Variants in COL19A1 observed in about 807,000 individuals in gnomAD.
COL19A1 encodes the protein collagen type XIX alpha 1 chain.
A neutral mutation model predicts 190.2 loss-of-function variants in COL19A1; 159 were observed. The observed-to-expected ratio is 0.84, with a 90% CI of 0.73 to 0.95. COL19A1 has a LOEUF of 0.95. Ranked by LOEUF, COL19A1 falls within the 40% of genes least tolerant of loss-of-function variation. The pLI is 0.00. For synonymous variants in COL19A1, 509 were observed against 458.9 expected (o/e 1.11, Z -1.39); for missense variants, 1,418 against 1,431.9 (o/e 0.99, Z 0.16).
intron 14 of COL19A1, among the ~76,000 whole-genome samples, chr6:70,054,823 A>G (rs1780401384): frequency 6.6e-6 from 1 of 152,204 alleles, no homozygotes; most frequent in Admixed American, 6.5e-5. Flanking sequence ...ACTAAACCAC[A>G]AAAGTCCTAA....
At position 70,156,708 on chromosome 6, in the gene COL19A1, G is replaced by C. The variant is rs1236817965; in HGVS notation, c.2277G>C (p.Gly759=). The C allele has an allele frequency of 1.2e-6, 2 of 1,611,062 alleles. No individual in the cohort carries two copies. Among genetic ancestry groups the C allele is most frequent in the African/African-American group, 2.7e-5 (2 of 74,774 alleles). Residue 759 remains glycine, a synonymous_variant, in exon 34 of 51, where the codon GGG becomes GGC. Coordinates refer to ENST00000620364, the MANE Select transcript of COL19A1 (RefSeq NM_001858.6). The stretch of plus-strand genomic sequence containing the variant: ...AGCGGGGCTACCCTGGGATACCTGG[G>C]GAGAAAGGCGATGAGGTAACAGATT... The part of the protein sequence containing the change: ...KGERGYPGIP[G]EKGDEGLQGI...
intron 31 of COL19A1, among the ~76,000 whole-genome samples, chr6:70,152,669 G>C (rs1787141127): frequency 6.6e-6 from 1 of 152,046 alleles, no homozygotes. Context: ...ATAGATGAGA[G>C]ACCAGAAGTT....
intron 4 of COL19A1, among the ~76,000 whole-genome samples, chr6:69,912,534 G>T (rs1425925210): frequency 6.6e-6 from 1 of 152,154 alleles, no homozygotes; most frequent in African/African-American, 2.4e-5. Context: ...CTCTCTCCAT[G>T]CAAATGCTAC....
Position 70,128,975 on chromosome 6 carries a change from C to T in COL19A1, c.1342-1207C>T, listed in dbSNP as rs758285653. On this transcript the variant is annotated intron_variant, in intron 17 of 50. Transcript: ENST00000620364. ...ATGGCTCCCAGATCCTTGAGAAAGA[C>T]GTTCCCAGATTGTAAAACTAACAGG... 4.6e-5 allele frequency among the ~76,000 whole-genome samples: 7 copies of T among 152,148 alleles called. No homozygotes were observed. The East Asian group carries it at 1.2e-3, about 25-fold the overall frequency.
At chr6:70,122,032 C>A in intron 17 of COL19A1, 90 bp downstream of exon 17, 1 of 796,900 alleles carries the variant, frequency 1.3e-6, no homozygotes, top group East Asian at 2.9e-5. Flanking sequence ...CCTAACTTCT[C>A]AGACTTTTAT....
chr6:69,962,912 G>C (rs768793980), intron 11 of COL19A1, 42 bp downstream of exon 11: 2 of 1,498,344 alleles, frequency 1.3e-6, no homozygotes, highest in Non-Finnish European at 1.8e-6. Flanking sequence ...AAAAGAAATT[G>C]TTCTTGAAAA....
chr6:69,961,537 G>T (rs1404079760), intron 10 of COL19A1, among the ~76,000 whole-genome samples: 2 of 152,178 alleles, frequency 1.3e-5, no homozygotes, highest in East Asian at 3.8e-4. Flanking sequence ...TTCAATGTCA[G>T]CTTGAATTAA....
intron 40 of COL19A1, 109 bp downstream of exon 40, chr6:70,168,790 C>T (rs569712155): frequency 8.7e-7 from 1 of 1,155,608 alleles, no homozygotes; most frequent in South Asian, 1.4e-5. Flanking sequence ...CATCAATTAA[C>T]ATGCTGGTGG....
At chr6:70,174,476 C>A (rs1765683340) in intron 41 of COL19A1, among the ~76,000 whole-genome samples, 1 of 151,986 alleles carries the variant, frequency 6.6e-6, no homozygotes, top group Non-Finnish European at 1.5e-5. Flanking sequence ...AGAAGAATCA[C>A]TTGAACCCAG....
At position 70,210,704 on chromosome 6, in the gene COL19A1, G is replaced by C. The variant is rs894683957; in HGVS notation, c.*3430G>C. Among the ~76,000 whole-genome samples the C allele has an allele frequency of 1.4e-4, 21 of 152,092 alleles. No homozygotes were observed. The highest frequency in any genetic ancestry group is 3.1e-4 in the Non-Finnish European group (21 of 67,982). ...GGTGTTTAAAACAATTTGTTCAGAAGAACTGAGCAAACTAACAGAAATACA... is the reference window on the plus strand; with the variant it reads ...GGTGTTTAAAACAATTTGTTCAGAACAACTGAGCAAACTAACAGAAATACA... On this transcript the variant is annotated 3_prime_UTR_variant, in exon 51 of 51. Transcript: ENST00000620364.
At chr6:70,173,329 A>C (rs562098041) in intron 41 of COL19A1, among the ~76,000 whole-genome samples, 1 of 152,338 alleles carries the variant, frequency 6.6e-6, no homozygotes, top group African/African-American at 2.4e-5. Context: ...GGATAAGATT[A>C]CCAAGGGAAT....
In COL19A1 at chr6:70,165,968, G is replaced by T. The variant is rs778932497; in HGVS notation, c.2428G>T (p.Gly810Ter). ...KGSDGPPGKP[G>*]PPGPPGIPFN... ...CAGCGACGGACCCCCTGGGAAACCCGGACCACCTGGACCACCTGTGAGTTG... is the reference window on the plus strand; with the variant it reads ...CAGCGACGGACCCCCTGGGAAACCCTGACCACCTGGACCACCTGTGAGTTG... Residue 810 changes from glycine to a stop codon, truncating the protein, a stop_gained, in exon 37 of 51, where the codon GGA becomes TGA. Transcript: ENST00000620364. LOFTEE classifies it high-confidence loss of function. 1 of 1,613,500 alleles carries T rather than the reference G, an allele frequency of 6.2e-7. No individual in the cohort carries two copies. Among genetic ancestry groups the T allele is most frequent in the Non-Finnish European group, 8.5e-7 (1 of 1,179,758 alleles).
intron 12 of COL19A1, among the ~76,000 whole-genome samples, chr6:70,025,124 G>C (rs868714652): frequency 6.6e-6 from 1 of 151,368 alleles, no homozygotes; most frequent in Non-Finnish European, 1.5e-5. Context: ...TCCGCCTCCT[G>C]GGTTCACGCC....
chr6:70,105,374 T>C (rs1783887461), intron 16 of COL19A1, among the ~76,000 whole-genome samples: 1 of 152,112 alleles, frequency 6.6e-6, no homozygotes, highest in African/African-American at 2.4e-5. Context: ...GCCAGGATGG[T>C]CTCGATCTCT....
At chr6:69,934,288 GC>G in intron 7 of COL19A1, among the ~76,000 whole-genome samples, 1 of 151,950 alleles carries the variant, frequency 6.6e-6, no homozygotes, top group South Asian at 2.1e-4. Context: ...AATTTAGAAT[GC>G]CAATCTACAG....
intron 4 of COL19A1, among the ~76,000 whole-genome samples, chr6:69,926,839 G>A (rs1453125224): frequency 1.3e-5 from 2 of 152,094 alleles, no homozygotes; most frequent in Admixed American, 1.3e-4. Flanking sequence ...ACTGCCAAAA[G>A]TCAAAGAGAG....
chr6:70,133,249 C>A (rs1329453046), intron 18 of COL19A1, among the ~76,000 whole-genome samples: 5 of 152,106 alleles, frequency 3.3e-5, no homozygotes, highest in African/African-American at 1.2e-4. Flanking sequence ...ATGCACTGAC[C>A]AGCAAAATAG....
intron 14 of COL19A1, among the ~76,000 whole-genome samples, chr6:70,039,747 T>C (rs1452518986): frequency 6.6e-6 from 1 of 151,172 alleles, no homozygotes; most frequent in Non-Finnish European, 1.5e-5. Context: ...TATGATGTTT[T>C]TGGGGAAGTA....
At position 69,962,851 on chromosome 6, in the gene COL19A1, A is replaced by G. The variant is rs767176661; in HGVS notation, c.1007A>G (p.Lys336Arg). Residue 336 changes from lysine (K) to arginine (R), a missense_variant, in exon 11 of 51, where the codon AAA becomes AGA. Coordinates refer to ENST00000620364, the MANE Select transcript of COL19A1 (RefSeq NM_001858.6). ...QKGEQGFEGSKGETGEKGEQG... is the reference protein window; with the variant it reads ...QKGEQGFEGSRGETGEKGEQG... ...GGAGAGCAAGGTTTTGAAGGCAGCA[A>G]AGGAGAAACTGGTGAAAAGGTAAAT... 6.2e-7 allele frequency: 1 copy of G among 1,608,554 alleles called. No individual in the cohort carries two copies.
Sources: gnomAD v4.1 joint callset for allele counts (sites outside exome capture counted in the v4.1 genomes callset) on GRCh38, gnomAD v4.1.1 for gene constraint, MANE v1.5 for transcripts, NCBI Gene and HGNC (gene_info 2026-07-23, HGNC 2026-07-21) for gene names.